DMD: variants seen among roughly 807,000 people sequenced by gnomAD.
DMD encodes dystrophin.
DMD carries 63 observed loss-of-function variants against 330.1 expected under a neutral mutation model. The ratio of observed to expected loss-of-function variants is 0.19; its 90% CI spans 0.16 to 0.24. The LOEUF is 0.24. DMD is among the 10% of genes least tolerant of loss of function. DMD has a pLI of 1.00. For missense variants in DMD, 3,344 were observed against 2,684.1 expected, an observed-to-expected ratio of 1.25 and a Z score of -5.43; for synonymous variants, 1,223 against 959.8, an observed-to-expected ratio of 1.27 and a Z score of -5.07.
intron 9 of DMD, among the ~76,000 whole-genome samples, chrX:32,676,819 T>C (rs182409689): frequency 7.6e-4 from 85 of 111,520 alleles, no homozygotes; most frequent in Non-Finnish European, 1.3e-3. Flanking sequence ...TTTTATTTTA[T>C]AGTGTACTAT....
At chrX:32,328,235 A>T (rs1056893157) in intron 41 of DMD, among the ~76,000 whole-genome samples, 3 of 111,932 alleles carry the variant, frequency 2.7e-5, no homozygotes, top group African/African-American at 9.7e-5. Flanking sequence ...TGGATTCCAA[A>T]TATCATCAGG....
chrX:33,032,315 A>G (rs928193347), intron 1 of DMD, among the ~76,000 whole-genome samples: 1 of 112,446 alleles, frequency 8.9e-6, no homozygotes, highest in Non-Finnish European at 1.9e-5. Flanking sequence ...TGTACTCAAT[A>G]CAAAATTGAA....
At chrX:32,118,064 T>C (rs1603626202) in intron 44 of DMD, among the ~76,000 whole-genome samples, 1 of 111,706 alleles carries the variant, frequency 9.0e-6, no homozygotes, top group East Asian at 2.8e-4. Context: ...CTAGCAGTTT[T>C]CTGCAACTTA....
chrX:31,680,211 T>C (rs905878556), intron 52 of DMD, among the ~76,000 whole-genome samples: 1 of 111,756 alleles, frequency 8.9e-6, no homozygotes, highest in African/African-American at 3.3e-5. Flanking sequence ...GGCTTGATAA[T>C]GCACCACTCT....
At chrX:32,224,157 G>A (rs1162811069) in intron 43 of DMD, among the ~76,000 whole-genome samples, 1 of 110,763 alleles carries the variant, frequency 9.0e-6, no homozygotes, top group Non-Finnish European at 1.9e-5. Flanking sequence ...TACTCTGTGG[G>A]TTTCATTTTT....
At chrX:32,074,215 G>T (rs1483610381) in intron 44 of DMD, among the ~76,000 whole-genome samples, 1 of 111,348 alleles carries the variant, frequency 9.0e-6, no homozygotes, top group Admixed American at 9.6e-5. Context: ...TGCCTCCCCA[G>T]TGCAATTTTA....
chrX:33,292,984 G>A (rs1464282183), intron 1 of DMD, among the ~76,000 whole-genome samples: 2 of 111,032 alleles, frequency 1.8e-5, no homozygotes, highest in Non-Finnish European at 3.8e-5. Flanking sequence ...GTATAGGTCT[G>A]TCTATTATCT....
chrX:32,268,428 C>G (rs1456462280), intron 43 of DMD, among the ~76,000 whole-genome samples: 1 of 111,856 alleles, frequency 8.9e-6, no homozygotes, highest in Non-Finnish European at 1.9e-5. Flanking sequence ...TGCACCTTGT[C>G]TAAGATAACT....
intron 43 of DMD, among the ~76,000 whole-genome samples, chrX:32,269,615 A>G (rs2097358146): frequency 1.8e-5 from 2 of 111,737 alleles, no homozygotes; most frequent in African/African-American, 3.3e-5. Context: ...CCGACTATAT[A>G]GTAAGTGACC....
intron 49 of DMD, among the ~76,000 whole-genome samples, chrX:31,828,677 A>G (rs1023028664): frequency 1.8e-5 from 2 of 109,085 alleles, no homozygotes; most frequent in Non-Finnish European, 3.8e-5. Context: ...AAAAAAAAAA[A>G]AAAAGAAAGA....
At chrX:33,260,453 T>A (rs2052936110) in intron 1 of DMD, among the ~76,000 whole-genome samples, 3 of 111,259 alleles carry the variant, frequency 2.7e-5, no homozygotes, top group Admixed American at 1.9e-4. Flanking sequence ...AATCTTCAAG[T>A]GATGTGTTCT....
At chrX:32,972,361 A>T (rs1370875772) in intron 2 of DMD, among the ~76,000 whole-genome samples, 3 of 109,711 alleles carry the variant, frequency 2.7e-5, no homozygotes, top group South Asian at 7.9e-4. Context: ...TATTTTTTTT[A>T]TAGAGGTGAG....
At chrX:32,894,308 G>T (rs1028324919) in intron 2 of DMD, among the ~76,000 whole-genome samples, 2 of 111,498 alleles carry the variant, frequency 1.8e-5, no homozygotes, top group African/African-American at 6.5e-5. Context: ...AGCAAACGAG[G>T]CATTGGGTTT....
intron 51 of DMD, among the ~76,000 whole-genome samples, chrX:31,765,302 T>C (rs780146713): frequency 5.7e-4 from 64 of 111,899 alleles, no homozygotes; most frequent in Non-Finnish European, 8.7e-4. Context: ...CATATATGAT[T>C]GAAACCACCA....
chrX:31,985,529 G>A (rs1026892799), intron 44 of DMD, among the ~76,000 whole-genome samples: 8 of 112,433 alleles, frequency 7.1e-5, no homozygotes, highest in Admixed American at 6.6e-4. Context: ...TTTAAATTTT[G>A]ATTGACAACC....
At chrX:32,224,697 G>C (rs1315004032) in intron 43 of DMD, among the ~76,000 whole-genome samples, 1 of 111,492 alleles carries the variant, frequency 9.0e-6, no homozygotes, top group Non-Finnish European at 1.9e-5. Context: ...TACAACTCTG[G>C]ATTGACATTA....
Position 31,658,095 on chromosome X carries a change from T to C in DMD, c.7922A>G (p.Asn2641Ser), listed in dbSNP as rs976782785. 8.3e-7 allele frequency: 1 copy of C among 1,210,375 alleles called. No homozygotes were observed. The highest frequency in any genetic ancestry group is 1.7e-5 in the African/African-American group (1 of 57,276). The change falls in exon 54 of 79, where the codon AAT becomes AGT. Residue 2641 changes from asparagine to serine, a missense_variant. Physicochemically the swap from Asn to Ser is conservative, Grantham distance 46. Coordinates refer to ENST00000357033, the MANE Select transcript of DMD (RefSeq NM_004006.3). Reference protein sequence around the residue: ...RQWQTNVDVANDLALKLLRDY... With the variant: ...RQWQTNVDVASDLALKLLRDY... Reference sequence around the variant, plus strand: ...CCGGAGAAGTTTCAGGGCCAAGTCATTTGCCACATCTACATTTGTCTGCCA... The same window carrying C: ...CCGGAGAAGTTTCAGGGCCAAGTCACTTGCCACATCTACATTTGTCTGCCA...
At chrX:32,834,381 A>G (rs907349640) in intron 4 of DMD, among the ~76,000 whole-genome samples, 9 of 112,051 alleles carry the variant, frequency 8.0e-5, no homozygotes, top group African/African-American at 2.9e-4. Context: ...CAAAATATGT[A>G]TTATATGGCT....
At chrX:32,899,403 C>T (rs182416003) in intron 2 of DMD, among the ~76,000 whole-genome samples, 84 of 110,614 alleles carry the variant, frequency 7.6e-4, no homozygotes, top group Non-Finnish European at 1.3e-3. Flanking sequence ...CGGCCGGGTG[C>T]GGTGGCTCAC....
Sources: allele counts gnomAD v4.1 joint callset (sites outside exome capture counted in the v4.1 genomes callset), GRCh38; gene constraint gnomAD v4.1.1; transcripts MANE v1.5; gene names NCBI Gene and HGNC (gene_info 2026-07-23, HGNC 2026-07-21).